Variants in SDK1 observed in about 807,000 individuals in gnomAD.
SDK1 encodes protein sidekick-1.
In SDK1, 157 loss-of-function variants were observed where a neutral mutation model predicts 245.5. The observed-to-expected ratio is 0.64, with a 90% CI of 0.56 to 0.73. SDK1 has a LOEUF of 0.73. Among genes scored for constraint, SDK1 ranks in the 30% least tolerant of loss-of-function variants. The pLI, the probability that SDK1 is intolerant of heterozygous loss-of-function variation, is 0.00. For missense variants in SDK1, 3,583 were observed against 3,002.3 expected (o/e 1.19, Z -4.52); for synonymous variants, 1,647 against 1,278.5 (o/e 1.29, Z -6.15).
chr7:3,682,521 C>CTCGTGTCTGCTGCAGAG, intron 4 of SDK1, among the ~76,000 whole-genome samples: 1 of 152,290 alleles, frequency 6.6e-6, no homozygotes, highest in Admixed American at 6.5e-5. Context: ...GGTCAGAACT[C>CTCGTGTCTGCTGCAGAG]ACGTGTCTGC....
intron 5 of SDK1, among the ~76,000 whole-genome samples, chr7:3,887,328 A>G (rs1002064746): frequency 6.6e-6 from 1 of 152,228 alleles, no homozygotes; most frequent in Non-Finnish European, 1.5e-5. Context: ...GCCAAAAAAA[A>G]TGGCCCCAAC....
intron 44 of SDK1, among the ~76,000 whole-genome samples, chr7:4,249,672 G>A (rs571841198): frequency 1.4e-4 from 22 of 152,284 alleles, no homozygotes; most frequent in Admixed American, 6.5e-4. Flanking sequence ...TGGATAAAGC[G>A]TAGCCTCCCT....
At chr7:3,964,397 G>C (rs1391634554) in intron 9 of SDK1, among the ~76,000 whole-genome samples, 1 of 152,146 alleles carries the variant, frequency 6.6e-6, no homozygotes, top group Admixed American at 6.5e-5. Context: ...CTTATTTTCT[G>C]GGCAGAATTG....
intron 1 of SDK1, among the ~76,000 whole-genome samples, chr7:3,368,557 G>T (rs898495112): frequency 6.6e-6 from 1 of 152,208 alleles, no homozygotes; most frequent in African/African-American, 2.4e-5. Flanking sequence ...TCACGGGATG[G>T]TGGGATTAAA....
At chr7:4,057,524 A>C (rs111825502) in intron 19 of SDK1, among the ~76,000 whole-genome samples, 1 of 152,052 alleles carries the variant, frequency 6.6e-6, no homozygotes, top group Non-Finnish European at 1.5e-5. Flanking sequence ...GTCACTGCCT[A>C]TAGCATGCCT....
chr7:3,709,414 G>A lies in SDK1; in HGVS notation c.713+67309G>A, dbSNP rs546687884. On this transcript the variant is annotated intron_variant, in intron 4 of 44. Coordinates refer to ENST00000404826, the MANE Select transcript of SDK1 (RefSeq NM_152744.4). ...TACTTAATATTCCCCACCCCTCCCTGTATCAGGTTCAGCACTAGGTAGGGT... is the reference window on the plus strand; with the variant it reads ...TACTTAATATTCCCCACCCCTCCCTATATCAGGTTCAGCACTAGGTAGGGT... 8.5e-5 allele frequency among the ~76,000 whole-genome samples: 13 copies of A among 152,240 alleles called. No homozygotes were observed. The South Asian group carries it at 2.1e-3, about 24-fold the overall frequency.
intron 31 of SDK1, among the ~76,000 whole-genome samples, chr7:4,159,453 G>A (rs181996458): frequency 2.6e-5 from 4 of 152,322 alleles, no homozygotes; most frequent in Non-Finnish European, 4.4e-5. Context: ...ACCTGCAAGA[G>A]CCTCCAACAG....
chr7:3,477,705 A>G (rs1015095266), intron 1 of SDK1, among the ~76,000 whole-genome samples: 1 of 151,754 alleles, frequency 6.6e-6, no homozygotes, highest in Admixed American at 6.6e-5. Flanking sequence ...GTGGAGATAG[A>G]GTCCCACTAT....
chr7:3,502,429 T>C (rs1782246794), intron 1 of SDK1, among the ~76,000 whole-genome samples: 1 of 152,068 alleles, frequency 6.6e-6, no homozygotes, highest in South Asian at 2.1e-4. Flanking sequence ...TTTGTATTTT[T>C]TGTAGAGATG....
intron 1 of SDK1, among the ~76,000 whole-genome samples, chr7:3,310,235 C>G (rs983439289): frequency 6.6e-6 from 1 of 152,180 alleles, no homozygotes; most frequent in Non-Finnish European, 1.5e-5. Context: ...AGACTTAAAG[C>G]TTTGGTGCTG....
intron 4 of SDK1, among the ~76,000 whole-genome samples, chr7:3,799,814 G>A (rs1412328665): frequency 6.6e-6 from 1 of 151,422 alleles, no homozygotes; most frequent in African/African-American, 2.4e-5. Context: ...TGCTAAATTT[G>A]GAACTAGGTG....
chr7:3,571,350 G>A (rs1461572366), intron 1 of SDK1, among the ~76,000 whole-genome samples: 2 of 151,726 alleles, frequency 1.3e-5, no homozygotes, highest in South Asian at 2.1e-4. Context: ...TCACGCACGT[G>A]GGGGTGCAGT....
chr7:3,670,058 CATT>C (rs1783649804), intron 4 of SDK1, among the ~76,000 whole-genome samples: 1 of 152,184 alleles, frequency 6.6e-6, no homozygotes, highest in African/African-American at 2.4e-5. Context: ...CTACTCACAT[CATT>C]GTGTGTCCAC....
intron 17 of SDK1, among the ~76,000 whole-genome samples, chr7:4,039,585 G>A (rs942310980): frequency 4.6e-5 from 7 of 152,142 alleles, no homozygotes; most frequent in Middle Eastern, 3.4e-3. Flanking sequence ...TTATTTGATT[G>A]GACAATTAAA....
chr7:3,392,247 C>T lies in SDK1; in HGVS notation c.298+90363C>T, dbSNP rs1394778999. Among the ~76,000 whole-genome samples the T allele has an allele frequency of 1.1e-4, 17 of 152,176 alleles. 1 individual carries two copies. The South Asian group carries it at 3.5e-3, about 32-fold the overall frequency. On this transcript the variant is annotated intron_variant, in intron 1 of 44. Transcript: ENST00000404826. ...GTACTCTAGCAAATTCCACTTGTGA[C>T]CAATGATTTCTTAGAAATGTATCAT...
intron 1 of SDK1, among the ~76,000 whole-genome samples, chr7:3,569,572 C>T (rs921509885): frequency 2.6e-5 from 4 of 152,182 alleles, no homozygotes; most frequent in African/African-American, 7.2e-5. Context: ...TCTGTGCCCA[C>T]GGTTCATCAT....
chr7:4,195,350 T>A (rs1478021748), intron 35 of SDK1, among the ~76,000 whole-genome samples: 1 of 152,102 alleles, frequency 6.6e-6, no homozygotes, highest in Non-Finnish European at 1.5e-5. Flanking sequence ...TGAGGCCGAC[T>A]CCTTGCCTGG....
intron 35 of SDK1, among the ~76,000 whole-genome samples, chr7:4,193,154 A>AT (rs1491350580): frequency 7.7e-6 from 1 of 129,616 alleles, no homozygotes; most frequent in African/African-American, 2.9e-5. Flanking sequence ...ATATTTATAT[A>AT]ATATATATTA....
At chr7:4,241,711 C>T (rs771424713) in intron 42 of SDK1, 82 bp from the exon 43 acceptor site, 1 of 1,573,100 alleles carries the variant, frequency 6.4e-7, no homozygotes, top group East Asian at 2.2e-5. Context: ...CAGGAGCTGC[C>T]CCGCTGGCCA....
Sources: allele counts gnomAD v4.1 joint callset (sites outside exome capture counted in the v4.1 genomes callset), GRCh38; gene constraint gnomAD v4.1.1; transcripts MANE v1.5; gene names NCBI Gene and HGNC (gene_info 2026-07-23, HGNC 2026-07-21).